HMGN1: variants seen among roughly 807,000 people sequenced by gnomAD.
HMGN1 encodes high mobility group nucleosome binding domain 1, also known as non-histone chromosomal protein HMG-14.
Under a neutral mutation model 18.4 loss-of-function variants are expected in HMGN1, and 9 were observed. That is an observed-to-expected ratio of 0.49 (90% CI 0.29 to 0.85). The LOEUF is 0.85. HMGN1 is among the 40% of genes least tolerant of loss of function. The pLI, the probability that HMGN1 is intolerant of heterozygous loss-of-function variation, is 0.07. For missense variants in HMGN1, 151 were observed against 119.2 expected, an observed-to-expected ratio of 1.27 and a Z score of -1.24; for synonymous variants, 59 against 45.0, an observed-to-expected ratio of 1.31 and a Z score of -1.24.
At chr21:39,347,252 G>A (rs2037088875) in intron 4 of HMGN1, 1 of 755,726 alleles carries the variant, frequency 1.3e-6, no homozygotes, top group Non-Finnish European at 1.7e-6. Flanking sequence ...CATACCTTCC[G>A]TGAAGCTTTA....
rs943667395 is a variant in HMGN1, at chr21:39,349,033, T to G, written c.-116A>C. On this transcript the variant is annotated 5_prime_UTR_variant, in exon 1 of 6. Coordinates refer to ENST00000380749, the MANE Select transcript of HMGN1 (RefSeq NM_004965.7). Reference sequence around the variant, plus strand: ...AACTGGGCTGCCTTGCCGCTGCCACTCCTCCCGCCGCCCGAGCTGCTGAGA... The same window carrying G: ...AACTGGGCTGCCTTGCCGCTGCCACGCCTCCCGCCGCCCGAGCTGCTGAGA... The G allele has an allele frequency of 2.7e-6, 3 of 1,114,892 alleles. No individual in the cohort carries two copies. The highest frequency in any genetic ancestry group is 3.3e-5 in the African/African-American group (2 of 60,914). The allele number at this position is 1,114,892 out of a possible 1,614,324, so 69.1% of individuals were successfully genotyped here. A position where few individuals can be genotyped will look rare whatever the true frequency, so the allele number is the denominator to read the frequency against.
In HMGN1 at chr21:39,342,799, T is replaced by G. The variant is rs953337216; in HGVS notation, c.*313A>C. The G allele has an allele frequency of 5.2e-6, 7 of 1,337,778 alleles. No individual in the cohort carries two copies. Among genetic ancestry groups the G allele is most frequent in the Non-Finnish European group, 6.9e-6 (7 of 1,015,586 alleles). The allele number at this position is 1,337,778 out of a possible 1,614,324, so 82.9% of individuals were successfully genotyped here. On this transcript the variant is annotated 3_prime_UTR_variant, in exon 6 of 6. Transcript: ENST00000380749. ...ATATTGCCATTTAATATGCTTTGTA[T>G]TATAGGATATAAAAACTAACCCCCC...
At chr21:39,347,911 C>G (rs997401016) in intron 4 of HMGN1, 4 of 969,940 alleles carry the variant, frequency 4.1e-6, no homozygotes, top group Non-Finnish European at 4.8e-6. Context: ...TATATAAAAA[C>G]TTACACGTTC....
rs745725138 is a variant in HMGN1, at chr21:39,345,289, G to A, written c.127-15C>T. 11 of 1,605,300 alleles carry A rather than the reference G, an allele frequency of 6.9e-6. No homozygotes were observed. The highest frequency in any genetic ancestry group is 6.7e-5 in the Admixed American group (4 of 59,930). On this transcript the variant is annotated splice_polypyrimidine_tract_variant and intron_variant, in intron 4 of 5. Transcript: ENST00000380749. ...GAAGATTTATCCTATGATAGAATAA[G>A]AATATATTTTAAGTACATGCTTTAC...
intron 4 of HMGN1, chr21:39,347,741 C>G: frequency 3.8e-6 from 1 of 261,512 alleles, no homozygotes; most frequent in South Asian, 3.6e-5. Context: ...CATGCAATCA[C>G]GAATTTGTTA....
chr21:39,348,805 T>C, intron 1 of HMGN1, 98 bp downstream of exon 1: 1 of 1,046,082 alleles, frequency 9.6e-7, no homozygotes, highest in Non-Finnish European at 1.2e-6. Flanking sequence ...CCCGGGCCCG[T>C]CGCCACCGTG....
intron 4 of HMGN1, chr21:39,345,547 G>C (rs2037021123): frequency 2.0e-6 from 1 of 508,280 alleles, no homozygotes; most frequent in Admixed American, 3.3e-5. Context: ...GACAACTTAA[G>C]GTCCCCCCCA....
At chr21:39,346,768 G>A (rs1457769852) in intron 4 of HMGN1, 1 of 152,240 alleles carries the variant, frequency 6.6e-6, no homozygotes, top group African/African-American at 2.4e-5. Flanking sequence ...GAAGTCAAAG[G>A]TGTATTACAG....
chr21:39,345,208 C>T lies in HMGN1; in HGVS notation c.193G>A (p.Val65Met), dbSNP rs1419058815. The change falls in exon 5 of 6, where the codon GTG becomes ATG. Residue 65 changes from valine (V) to methionine (M), a missense_variant. Transcript: ENST00000380749. ...TCTTCTTTAGTTTCTTGGTTAGCCA[C>T]TTCGGCCTGTTTTCCCTTTGCTCCC... ...KRGAKGKQAE[V>M]ANQETKEDLP... The T allele has an allele frequency of 1.2e-6, 2 of 1,613,668 alleles. No homozygotes were observed. Among genetic ancestry groups the T allele is most frequent in the African/African-American group, 1.3e-5 (1 of 74,996 alleles).
At chr21:39,348,621 A>G in intron 1 of HMGN1, 44 bp from the exon 2 acceptor site, 1 of 1,510,690 alleles carries the variant, frequency 6.6e-7, no homozygotes, top group Non-Finnish European at 8.8e-7. Context: ...CCGCAGTCCC[A>G]GGACTCGCGG....
rs1388452230 is a variant in HMGN1 at position 39,348,468 on chromosome 21, G to A, written c.49-17C>T. ...CCTCTTGGGCTTGGAGAAAGAAAAA[G>A]GAGAGTCAGCGAGAAGAGAAGGCAG... is the stretch of plus-strand genomic sequence containing the variant. On this transcript the variant is annotated splice_polypyrimidine_tract_variant and intron_variant, in intron 2 of 5. Coordinates refer to ENST00000380749, the MANE Select transcript of HMGN1 (RefSeq NM_004965.7). The A allele has an allele frequency of 1.2e-6, 2 of 1,614,064 alleles. No homozygotes were observed. Among genetic ancestry groups the A allele is most frequent in the African/African-American group, 1.3e-5 (1 of 74,942 alleles).
chr21:39,343,356 C>A (rs947180349), intron 5 of HMGN1, among the ~76,000 whole-genome samples, 197 bp from the exon 6 acceptor site: 1 of 152,152 alleles, frequency 6.6e-6, no homozygotes, highest in African/African-American at 2.4e-5. Context: ...CATGTGCATG[C>A]ATCTACAGAG....
chr21:39,348,852 GGCGCCGGCGGC>G (rs1195097050), intron 1 of HMGN1, 40 bp downstream of exon 1: 3 of 1,062,812 alleles, frequency 2.8e-6, no homozygotes, highest in African/African-American at 3.4e-5. Flanking sequence ...GGCCCGGCGG[GGCGCCGGCGGC>G]GGCTCCAGGG....
chr21:39,346,514 T>A (rs741795), intron 4 of HMGN1: 5 of 152,446 alleles, frequency 3.3e-5, no homozygotes, highest in Admixed American at 6.5e-5. Context: ...ATACATAATA[T>A]CTTGGACTTG....
At chr21:39,347,547 C>T in intron 4 of HMGN1, 2 of 552,266 alleles carry the variant, frequency 3.6e-6, no homozygotes, top group East Asian at 6.8e-5. Flanking sequence ...AGCAAACTCT[C>T]ACCTAAGTTT....
chr21:39,343,882 G>C (rs2036949382), intron 5 of HMGN1, among the ~76,000 whole-genome samples: 1 of 152,102 alleles, frequency 6.6e-6, no homozygotes, highest in African/African-American at 2.4e-5. Context: ...GTACTAGAAG[G>C]TCAAGTTCTT....
chr21:39,348,448 T>C lies in HMGN1; in HGVS notation c.52A>G (p.Lys18Glu). The C allele has an allele frequency of 2.5e-6, 4 of 1,614,122 alleles. No homozygotes were observed. Among genetic ancestry groups the C allele is most frequent in the East Asian group, 2.2e-5 (1 of 44,864 alleles). ...GCTGACAACCGCGCCGATCTCCTCTTGGGCTTGGAGAAAGAAAAAGGAGAG... is the reference window on the plus strand; with the variant it reads ...GCTGACAACCGCGCCGATCTCCTCTCGGGCTTGGAGAAAGAAAAAGGAGAG... ...SAEGAAKEEP[K>E]RRSARLSAKP... Residue 18 changes from lysine (K) to glutamate (E), a missense_variant, in exon 3 of 6, where the codon AAG becomes GAG. Transcript: ENST00000380749.
At chr21:39,345,940 A>G (rs2037037036) in intron 4 of HMGN1, 6 of 1,301,882 alleles carry the variant, frequency 4.6e-6, no homozygotes, top group Non-Finnish European at 6.1e-6. Context: ...TATCACTTTC[A>G]TTTAGGTGTT....
intron 1 of HMGN1, 120 bp from the exon 2 acceptor site, chr21:39,348,697 ATAGCCCCCTCAGCTCCCC>A: frequency 7.8e-7 from 1 of 1,283,018 alleles, no homozygotes; most frequent in Non-Finnish European, 1.0e-6. Context: ...CCCCGTTCGA[ATAGCCCCCTCAGCTCCCC>A]CGGCCGCCAA....
Sources: gnomAD v4.1 joint callset for allele counts (sites outside exome capture counted in the v4.1 genomes callset) on GRCh38, gnomAD v4.1.1 for gene constraint, MANE v1.5 for transcripts, NCBI Gene and HGNC (gene_info 2026-07-23, HGNC 2026-07-21) for gene names.